SCHIP1: variants seen among roughly 807,000 people sequenced by gnomAD.
SCHIP1 encodes the protein schwannomin-interacting protein 1.
A neutral mutation model predicts 29.7 loss-of-function variants in SCHIP1; 8 were observed. The observed-to-expected ratio is 0.27, with a 90% CI of 0.16 to 0.49. The LOEUF (loss-of-function observed/expected upper bound fraction) is 0.49, where lower values mean the gene tolerates loss of function less well. Ranked by LOEUF, SCHIP1 falls within the 20% of genes least tolerant of loss-of-function variation. The probability of loss-of-function intolerance (pLI) is 0.99; values close to 1 mark genes in which losing one functional copy is unlikely to be tolerated. For synonymous variants in SCHIP1, 76 were observed against 94.9 expected (o/e 0.80, Z 1.16); for missense variants, 193 against 294.6 (o/e 0.66, Z 2.52).
At chr3:159,691,454 A>T in the SCHIP1 span, among the ~76,000 whole-genome samples, 2 of 131,726 alleles carry the variant, frequency 1.5e-5, no homozygotes, top group East Asian at 4.4e-4. Flanking sequence ...TTTGCTTGGT[A>T]AATATTCCTC....
At chr3:159,672,304 T>G in the SCHIP1 span, among the ~76,000 whole-genome samples, 1 of 152,252 alleles carries the variant, frequency 6.6e-6, no homozygotes. Context: ...ATGTTAGCTC[T>G]TATTACTACA....
chr3:159,454,634 T>A, the SCHIP1 span, among the ~76,000 whole-genome samples: 328 of 152,262 alleles, frequency 2.2e-3, no homozygotes, highest in African/African-American at 7.8e-3. Flanking sequence ...ATAATAGAAT[T>A]TCCATGGTCT....
the SCHIP1 span, among the ~76,000 whole-genome samples, chr3:159,622,490 C>T: frequency 6.6e-6 from 1 of 152,184 alleles, no homozygotes; most frequent in African/African-American, 2.4e-5. Flanking sequence ...TTTACAGTAT[C>T]ACTAGAGTTC....
At chr3:159,560,886 T>C in the SCHIP1 span, among the ~76,000 whole-genome samples, 1 of 152,354 alleles carries the variant, frequency 6.6e-6, no homozygotes, top group Admixed American at 6.5e-5. Context: ...AGCTCTGCGA[T>C]GGTGTGTGAA....
In SCHIP1 at chr3:159,861,650, T is replaced by C. The variant is rs552105217; in HGVS notation, c.31-4513T>C. Reference sequence around the variant, plus strand: ...GTTTCTAATCACATTTTTACTTTCATCTGGGGCTTGAATAGCTTTTCTGCC... The same window carrying C: ...GTTTCTAATCACATTTTTACTTTCACCTGGGGCTTGAATAGCTTTTCTGCC... On this transcript the variant is annotated intron_variant, in intron 1 of 6. Coordinates refer to ENST00000445224, the Ensembl canonical transcript of SCHIP1. This position sits in a 1 kb window ranked among gnomAD's most constrained non-coding sequence, Gnocchi z 4.1. 6.6e-6 allele frequency among the ~76,000 whole-genome samples: 1 copy of C among 152,232 alleles called. No individual in the cohort carries two copies. Among genetic ancestry groups the C allele is most frequent in the South Asian group, 2.1e-4 (1 of 4,830 alleles).
chr3:159,454,854 G>A, the SCHIP1 span, among the ~76,000 whole-genome samples: 1 of 152,144 alleles, frequency 6.6e-6, no homozygotes, highest in Non-Finnish European at 1.5e-5. Flanking sequence ...TCCAACAATG[G>A]ACCTATAGGA....
chr3:159,709,236 A>G, the SCHIP1 span, among the ~76,000 whole-genome samples: 1 of 152,166 alleles, frequency 6.6e-6, no homozygotes, highest in Non-Finnish European at 1.5e-5. Flanking sequence ...GGAAGGGAAT[A>G]TGGCTATAAG....
chr3:159,829,925 C>CT, the SCHIP1 span, among the ~76,000 whole-genome samples: 1 of 152,198 alleles, frequency 6.6e-6, no homozygotes, highest in East Asian at 1.9e-4. Flanking sequence ...TTTGGGTACT[C>CT]TGTCTTATCT....
At chr3:159,737,486 T>C in the SCHIP1 span, among the ~76,000 whole-genome samples, 1 of 152,218 alleles carries the variant, frequency 6.6e-6, no homozygotes, top group Non-Finnish European at 1.5e-5. Flanking sequence ...AACTTGTACT[T>C]ACTCTTGCCT....
At chr3:159,274,549 C>A in the SCHIP1 span, 8 of 786,040 alleles carry the variant, frequency 1.0e-5, no homozygotes, top group African/African-American at 1.9e-5. Flanking sequence ...ATCTTCAAAC[C>A]AGAAATAAAA....
chr3:159,343,917 T>A, the SCHIP1 span, among the ~76,000 whole-genome samples: 2 of 152,064 alleles, frequency 1.3e-5, no homozygotes, highest in African/African-American at 2.4e-5. Flanking sequence ...ATTTGAATGT[T>A]GATAGTAATT....
chr3:159,313,564 A>G, the SCHIP1 span, among the ~76,000 whole-genome samples: 1 of 152,232 alleles, frequency 6.6e-6, no homozygotes, highest in Admixed American at 6.5e-5. Flanking sequence ...AAGAGTTGCA[A>G]TCCTAGTACA....
At position 159,896,756 on chromosome 3, in the gene SCHIP1, GA is replaced by G; in HGVS notation, c.721del (p.Met241CysfsTer15). 1 of 1,607,914 alleles carries G rather than the reference GA, an allele frequency of 6.2e-7. No individual in the cohort carries two copies. Among genetic ancestry groups the G allele is most frequent in the Non-Finnish European group, 8.5e-7 (1 of 1,178,082 alleles). Reference sequence around the variant, plus strand: ...AAAGTCAGCAGAAGCACATGGCAGAGAAAATGCCTGCAAAGTGAAAAGAAGC... The same window carrying G: ...AAAGTCAGCAGAAGCACATGGCAGAGAAATGCCTGCAAAGTGAAAAGAAGC... On this transcript the variant is annotated frameshift_variant, in exon 7 of 7. Transcript: ENST00000445224. LOFTEE classifies it high-confidence loss of function.
the SCHIP1 span, among the ~76,000 whole-genome samples, chr3:159,501,436 T>TA: frequency 1.3e-5 from 2 of 152,182 alleles, no homozygotes; most frequent in Admixed American, 6.5e-5. Context: ...TTATTGCTGA[T>TA]AAAGAACATG....
At chr3:159,423,002 C>T in the SCHIP1 span, among the ~76,000 whole-genome samples, 5 of 152,276 alleles carry the variant, frequency 3.3e-5, no homozygotes, top group Admixed American at 3.3e-4. Context: ...TGTAAGTGAC[C>T]TGATTGTTCT....
At chr3:159,611,119 G>A in the SCHIP1 span, among the ~76,000 whole-genome samples, 1 of 152,114 alleles carries the variant, frequency 6.6e-6, no homozygotes, top group Non-Finnish European at 1.5e-5. Flanking sequence ...TACAGGCAGG[G>A]CAGAAATATA....
chr3:159,641,994 G>A, the SCHIP1 span, among the ~76,000 whole-genome samples: 793 of 152,192 alleles, frequency 5.2e-3, 9 homozygotes, highest in African/African-American at 0.019. Context: ...TGCAGCTGAG[G>A]GAAAATGTGG....
the SCHIP1 span, among the ~76,000 whole-genome samples, chr3:159,384,278 G>A: frequency 0.027 from 4,092 of 151,398 alleles, 65 homozygotes; most frequent in East Asian, 0.11. Context: ...TTTGAGATAC[G>A]TCCCATCAAT....
chr3:159,525,939 ATG>A, the SCHIP1 span, among the ~76,000 whole-genome samples: 1 of 152,202 alleles, frequency 6.6e-6, no homozygotes, highest in East Asian at 1.9e-4. Flanking sequence ...TTTGAATTCA[ATG>A]TGAGGTATTT....
Sources: allele counts gnomAD v4.1 joint callset (sites outside exome capture counted in the v4.1 genomes callset), GRCh38; gene constraint gnomAD v4.1.1; non-coding constraint Gnocchi (gnomAD v3.1); transcripts MANE v1.5; gene names NCBI Gene and HGNC (gene_info 2026-07-23, HGNC 2026-07-21).